IL1RAPL1: variants seen among roughly 807,000 people sequenced by gnomAD.
IL1RAPL1 encodes interleukin-1 receptor accessory protein-like 1.
IL1RAPL1 carries 3 observed loss-of-function variants against 48.4 expected under a neutral mutation model. The ratio of observed to expected loss-of-function variants is 0.06; its 90% CI spans 0.03 to 0.16. The LOEUF is 0.16. Among genes scored for constraint, IL1RAPL1 ranks in the 10% least tolerant of loss-of-function variants. IL1RAPL1 has a pLI of 1.00. For missense variants in IL1RAPL1, 349 were observed against 530.6 expected (o/e 0.66, Z 3.36); for synonymous variants, 185 against 187.7 (o/e 0.99, Z 0.12).
At chrX:29,748,325 C>A (rs746753862) in intron 6 of IL1RAPL1, among the ~76,000 whole-genome samples, 11 of 112,270 alleles carry the variant, frequency 9.8e-5, no homozygotes, top group Non-Finnish European at 2.1e-4. Flanking sequence ...AGAATTTAAA[C>A]CTAGTAAGAA....
intron 5 of IL1RAPL1, among the ~76,000 whole-genome samples, chrX:29,479,590 G>T (rs1260202896): frequency 9.2e-6 from 1 of 108,661 alleles, no homozygotes; most frequent in Non-Finnish European, 1.9e-5. Flanking sequence ...TAGTTCCATA[G>T]TGGTGAATTC....
intron 5 of IL1RAPL1, among the ~76,000 whole-genome samples, chrX:29,556,490 A>G (rs1922006057): frequency 9.1e-6 from 1 of 110,341 alleles, no homozygotes; most frequent in Admixed American, 9.6e-5. Flanking sequence ...TCTACTAAAA[A>G]TACAAAAATT....
intron 1 of IL1RAPL1, chrX:28,659,364 C>T: frequency 7.3e-6 from 4 of 551,603 alleles, no homozygotes; most frequent in Non-Finnish European, 1.3e-5. Context: ...GGTTTCTCCA[C>T]CCCTCCAGTA....
chrX:29,786,566 T>C (rs1929505330), intron 6 of IL1RAPL1, among the ~76,000 whole-genome samples: 1 of 111,568 alleles, frequency 9.0e-6, no homozygotes, highest in Admixed American at 9.5e-5. Context: ...AGTTCGAGAG[T>C]TGCATTATTT....
Position 29,920,033 on chromosome X carries a change from C to T in IL1RAPL1, c.996C>T (p.Tyr332=). 5.8e-6 allele frequency: 7 copies of T among 1,210,036 alleles called. No homozygotes were observed. The highest frequency in any genetic ancestry group is 7.8e-6 in the Non-Finnish European group (7 of 893,909). Residue 332 remains tyrosine (Y), a synonymous_variant, in exon 8 of 11, where the codon TAC becomes TAT. Transcript: ENST00000378993. ...TGGAAGAAGGTGACTTGGGAAATTA[C>T]TCCTGTTATGTTGAAAATGGAAATG... ...DSVEEGDLGN[Y]SCYVENGNGR... is the part of the protein sequence containing the mutation.
At chrX:29,703,174 C>T (rs766428394) in intron 6 of IL1RAPL1, among the ~76,000 whole-genome samples, 1 of 111,201 alleles carries the variant, frequency 9.0e-6, no homozygotes, top group South Asian at 3.8e-4. Flanking sequence ...TATATATACG[C>T]ACTGTGTTCA....
At chrX:29,215,950 A>G (rs1257234768) in intron 2 of IL1RAPL1, among the ~76,000 whole-genome samples, 1 of 111,089 alleles carries the variant, frequency 9.0e-6, no homozygotes, top group Non-Finnish European at 1.9e-5. Flanking sequence ...CTTGAACCAC[A>G]GTAACAAGTA....
intron 5 of IL1RAPL1, among the ~76,000 whole-genome samples, chrX:29,466,021 A>G (rs1476496148): frequency 8.9e-6 from 1 of 112,472 alleles, no homozygotes; most frequent in Non-Finnish European, 1.9e-5. Context: ...CTTTTCCTGG[A>G]TAAGTTTGAA....
At chrX:29,258,932 A>G (rs751781091) in intron 2 of IL1RAPL1, among the ~76,000 whole-genome samples, 4 of 111,706 alleles carry the variant, frequency 3.6e-5, no homozygotes, top group African/African-American at 6.5e-5. Flanking sequence ...GAGTTACTTG[A>G]CACATCATCA....
intron 2 of IL1RAPL1, among the ~76,000 whole-genome samples, chrX:29,168,453 C>G (rs1334279817): frequency 2.0e-5 from 2 of 102,045 alleles, no homozygotes; most frequent in Non-Finnish European, 4.0e-5. Flanking sequence ...GTTTTTCTTT[C>G]TGAACCTGGC....
At chrX:29,809,882 G>A (rs1317133752) in intron 6 of IL1RAPL1, among the ~76,000 whole-genome samples, 1 of 107,763 alleles carries the variant, frequency 9.3e-6, no homozygotes, top group Non-Finnish European at 1.9e-5. Flanking sequence ...AGGGTGTGTT[G>A]GTACCAAATA....
At chrX:28,654,078 A>T (rs762262750) in intron 1 of IL1RAPL1, among the ~76,000 whole-genome samples, 1 of 110,553 alleles carries the variant, frequency 9.0e-6, no homozygotes, top group Non-Finnish European at 1.9e-5. Flanking sequence ...CTAAGCTACT[A>T]TGGGGCTAAG....
intron 2 of IL1RAPL1, among the ~76,000 whole-genome samples, chrX:28,944,993 G>A (rs1261944141): frequency 9.0e-6 from 1 of 110,524 alleles, no homozygotes; most frequent in Non-Finnish European, 1.9e-5. Context: ...TTGCTTACCT[G>A]TAGCTTTTGA....
chrX:29,934,714 A>T (rs1236345163), intron 8 of IL1RAPL1, among the ~76,000 whole-genome samples: 3 of 111,730 alleles, frequency 2.7e-5, no homozygotes. Context: ...ACAACATATC[A>T]TTGCTAAACC....
intron 6 of IL1RAPL1, among the ~76,000 whole-genome samples, chrX:29,912,992 C>T (rs1932768917): frequency 8.9e-6 from 1 of 111,762 alleles, no homozygotes; most frequent in Admixed American, 9.6e-5. Context: ...TCCTTCATTC[C>T]CACTTTCAAA....
At chrX:28,808,942 C>G (rs1218787237) in intron 2 of IL1RAPL1, among the ~76,000 whole-genome samples, 1 of 110,692 alleles carries the variant, frequency 9.0e-6, no homozygotes, top group South Asian at 3.7e-4. Flanking sequence ...AATGGTTTAA[C>G]AGGCTAAACC....
intron 3 of IL1RAPL1, among the ~76,000 whole-genome samples, chrX:29,352,334 A>G (rs1451493526): frequency 9.0e-6 from 1 of 111,280 alleles, no homozygotes; most frequent in African/African-American, 3.3e-5. Context: ...TCTGAGGCCT[A>G]GGTTGAAGGG....
At chrX:29,657,073 A>G (rs1372788702) in intron 5 of IL1RAPL1, among the ~76,000 whole-genome samples, 3 of 111,515 alleles carry the variant, frequency 2.7e-5, no homozygotes, top group Middle Eastern at 9.1e-3. Context: ...GGTCCACTCT[A>G]TGACAGCCCA....
At chrX:29,358,868 A>C (rs1430750178) in intron 3 of IL1RAPL1, among the ~76,000 whole-genome samples, 1 of 110,129 alleles carries the variant, frequency 9.1e-6, no homozygotes, top group Non-Finnish European at 1.9e-5. Flanking sequence ...TAAAAATACA[A>C]AAATTAGCCA....
Sources: gnomAD v4.1 joint callset for allele counts (sites outside exome capture counted in the v4.1 genomes callset) on GRCh38, gnomAD v4.1.1 for gene constraint, MANE v1.5 for transcripts, NCBI Gene and HGNC (gene_info 2026-07-23, HGNC 2026-07-21) for gene names.